FRS2: variants seen among roughly 807,000 people sequenced by gnomAD.
FRS2 encodes the protein fibroblast growth factor receptor substrate 2, also known as FGFR signalling adaptor.
In FRS2, 8 loss-of-function variants were observed where a neutral mutation model predicts 43.9. The ratio of observed to expected loss-of-function variants is 0.18; its 90% CI spans 0.11 to 0.33. FRS2 has a LOEUF of 0.33. Ranked by LOEUF, FRS2 falls within the 10% of genes least tolerant of loss-of-function variation. The pLI is 1.00. For missense variants in FRS2, 534 were observed against 627.6 expected (o/e 0.85, Z 1.59); for synonymous variants, 219 against 220.3 (o/e 0.99, Z 0.05).
chr12:69,485,099 A>ACACACACACACACGCGCG (rs1246744352), intron 1 of FRS2, among the ~76,000 whole-genome samples: 8 of 143,118 alleles, frequency 5.6e-5, no homozygotes, highest in African/African-American at 2.0e-4. Context: ...ACACACACAC[A>ACACACACACACACGCGCG]CACACACACA....
chr12:69,553,785 GA>G (rs1879111832), intron 3 of FRS2, among the ~76,000 whole-genome samples: 1 of 152,188 alleles, frequency 6.6e-6, no homozygotes, highest in Non-Finnish European at 1.5e-5. Flanking sequence ...AAGTAGGGAA[GA>G]AAAACTTTGG....
intron 1 of FRS2, among the ~76,000 whole-genome samples, chr12:69,494,431 T>G (rs1010061928): frequency 6.6e-6 from 1 of 152,164 alleles, no homozygotes; most frequent in African/African-American, 2.4e-5. Flanking sequence ...ATGAGGAAAC[T>G]CTCTCAGAGA....
chr12:69,513,907 A>G (rs1207096611), intron 1 of FRS2, among the ~76,000 whole-genome samples: 1 of 152,156 alleles, frequency 6.6e-6, no homozygotes, highest in African/African-American at 2.4e-5. Context: ...ATAAATCTAA[A>G]TCTGCCTAGA....
chr12:69,574,968 T>C lies in FRS2; in HGVS notation c.*13T>C, dbSNP rs1293914364. On this transcript the variant is annotated 3_prime_UTR_variant, in exon 9 of 9. Transcript: ENST00000549921. ...TCTGCCCATGTGAGCCTGGAAAGCA[T>C]TGTGTTGTTTGCACCTTTGTGAAGT... 7 of 1,520,024 alleles carry C rather than the reference T, an allele frequency of 4.6e-6. No homozygotes were observed. The highest frequency in any genetic ancestry group is 2.3e-5 in the South Asian group (2 of 87,654). 94.2% of individuals were successfully genotyped at this position (1,520,024 alleles called of 1,614,324 possible). A position where few individuals can be genotyped will look rare whatever the true frequency, so the allele number is the denominator to read the frequency against.
At chr12:69,509,412 T>A (rs533164586) in intron 1 of FRS2, among the ~76,000 whole-genome samples, 1 of 152,368 alleles carries the variant, frequency 6.6e-6, no homozygotes, top group South Asian at 2.1e-4. Context: ...TGAGTCAACT[T>A]GCTGCTGCTT....
Position 69,576,071 on chromosome 12 carries a change from G to A in FRS2, c.*1116G>A, listed in dbSNP as rs1184037215. ...AATTCTAAATTTGCTTGTGTCCATA[G>A]GTGATCTCTTTAGCAAACTGAGAAA... On this transcript the variant is annotated 3_prime_UTR_variant, in exon 9 of 9. Transcript: ENST00000549921. 6.6e-6 allele frequency: 1 copy of A among 152,450 alleles called. No homozygotes were observed. Among genetic ancestry groups the A allele is most frequent in the Non-Finnish European group, 1.5e-5 (1 of 68,028 alleles). The allele number at this position is 152,450 out of a possible 1,614,324, so 9.4% of individuals were successfully genotyped here. A position where few individuals can be genotyped will look rare whatever the true frequency, so the allele number is the denominator to read the frequency against.
rs537814024 is a variant in FRS2, at chr12:69,511,220, G to T, written c.-260-19645G>T. On this transcript the variant is annotated intron_variant, in intron 1 of 8. Transcript: ENST00000549921. ...GGATTTAATTCTCCCCTCAGAGACT[G>T]TGTGCTAAGGGAAGGGAAACCTCCA... is the stretch of plus-strand genomic sequence containing the variant. Among the ~76,000 whole-genome samples, 34 of 152,206 alleles carry T rather than the reference G, an allele frequency of 2.2e-4. No individual in the cohort carries two copies. The East Asian group carries it at 6.2e-3, about 28-fold the overall frequency.
intron 1 of FRS2, among the ~76,000 whole-genome samples, chr12:69,509,429 T>A (rs773592060): frequency 6.6e-6 from 1 of 152,240 alleles, no homozygotes; most frequent in African/African-American, 2.4e-5. Context: ...GCTTTTTTTG[T>A]TAAATTGTGG....
chr12:69,570,345 T>C lies in FRS2; in HGVS notation c.81T>C (p.Asp27=), dbSNP rs1334296654. 1 of 1,613,350 alleles carries C rather than the reference T, an allele frequency of 6.2e-7. No individual in the cohort carries two copies. Among genetic ancestry groups the C allele is most frequent in the South Asian group, 1.1e-5 (1 of 91,070 alleles). The change falls in exon 6 of 9, where the codon GAT becomes GAC. Residue 27 remains aspartate, a synonymous_variant. Transcript: ENST00000549921. ...TCTTTTTTTAGGTCATTAATGTGGA[T>C]GATGATGGGAATGAGTTAGGTTCTG... ...HRNKFKVINV[D]DDGNELGSGI... is the part of the protein sequence containing the mutation.
chr12:69,559,930 T>C (rs1162664595), intron 3 of FRS2, among the ~76,000 whole-genome samples: 3 of 152,176 alleles, frequency 2.0e-5, no homozygotes, highest in Non-Finnish European at 4.4e-5. Context: ...AGACATTCTT[T>C]CCTGGTTGTA....
intron 3 of FRS2, among the ~76,000 whole-genome samples, chr12:69,559,560 G>A (rs1879709593): frequency 6.6e-6 from 1 of 152,096 alleles, no homozygotes; most frequent in Non-Finnish European, 1.5e-5. Flanking sequence ...GTGTATAGGT[G>A]TGTGCTTTAA....
At chr12:69,559,801 C>A (rs1483808599) in intron 3 of FRS2, among the ~76,000 whole-genome samples, 7 of 147,888 alleles carry the variant, frequency 4.7e-5, no homozygotes, top group African/African-American at 1.5e-4. Context: ...AAAAAAAAAA[C>A]AACCAGACCG....
At chr12:69,524,417 C>A (rs1035273880) in intron 1 of FRS2, among the ~76,000 whole-genome samples, 1 of 152,058 alleles carries the variant, frequency 6.6e-6, no homozygotes. Flanking sequence ...AGGGCACAGG[C>A]AGCCTGGTGT....
chr12:69,507,206 T>C (rs1811663760), intron 1 of FRS2, among the ~76,000 whole-genome samples: 1 of 152,054 alleles, frequency 6.6e-6, no homozygotes, highest in South Asian at 2.1e-4. Context: ...TCTTACCCCC[T>C]CTCCTACACT....
chr12:69,573,585 C>T (rs1237298708), intron 8 of FRS2, among the ~76,000 whole-genome samples: 1 of 152,126 alleles, frequency 6.6e-6, no homozygotes, highest in African/African-American at 2.4e-5. Context: ...GCCTCAGCCT[C>T]CAGAGTAGCT....
chr12:69,491,483 C>T (rs142957570), intron 1 of FRS2: 1 of 147,798 alleles, frequency 6.8e-6, no homozygotes, highest in African/African-American at 2.5e-5. Context: ...AGTTTGTTTC[C>T]TATCTTTGGT....
intron 1 of FRS2, among the ~76,000 whole-genome samples, chr12:69,495,699 G>A (rs1872815568): frequency 6.6e-6 from 1 of 152,154 alleles, no homozygotes; most frequent in South Asian, 2.1e-4. Flanking sequence ...ACTGGCCTGG[G>A]CAACATAGCA....
intron 1 of FRS2, among the ~76,000 whole-genome samples, chr12:69,511,389 G>A (rs993924500): frequency 6.6e-6 from 1 of 152,130 alleles, no homozygotes; most frequent in Non-Finnish European, 1.5e-5. Flanking sequence ...CCGGCTGAAT[G>A]TGTGCACACT....
At position 69,515,725 on chromosome 12, in the gene FRS2, A is replaced by C. The variant is rs889217550; in HGVS notation, c.-260-15140A>C. 2.6e-5 allele frequency among the ~76,000 whole-genome samples: 4 copies of C among 152,002 alleles called. No homozygotes were observed. In the South Asian group the frequency reaches 8.3e-4, roughly 32 times the overall value. On this transcript the variant is annotated intron_variant, in intron 1 of 8. Transcript: ENST00000549921. ...GTTCCCTCTAATGGTGGGTTGAAAA[A>C]CAATTAAAATTTTCCCTTTCTGTAT...
Sources: allele counts gnomAD v4.1 joint callset (sites outside exome capture counted in the v4.1 genomes callset), GRCh38; gene constraint gnomAD v4.1.1; transcripts MANE v1.5; gene names NCBI Gene and HGNC (gene_info 2026-07-23, HGNC 2026-07-21).